Variants in CSRNP1 observed in about 807,000 individuals in gnomAD.
CSRNP1 encodes the protein cysteine/serine-rich nuclear protein 1.
A neutral mutation model predicts 25.0 loss-of-function variants in CSRNP1; 8 were observed. The observed-to-expected ratio is 0.32, with a 90% CI of 0.19 to 0.58. The LOEUF (loss-of-function observed/expected upper bound fraction) is 0.58. Among genes scored for constraint, CSRNP1 ranks in the 20% least tolerant of loss-of-function variants. The probability of loss-of-function intolerance (pLI) is 0.88; values close to 1 mark genes in which losing one functional copy is unlikely to be tolerated. For missense variants in CSRNP1, 691 were observed against 773.1 expected (o/e 0.89, Z 1.26); for synonymous variants, 305 against 303.1 (o/e 1.01, Z -0.06).
In CSRNP1 at chr3:39,144,430, G is replaced by C; in HGVS notation, c.487C>G (p.Gln163Glu). Reference sequence around the variant, plus strand: ...ACAGGTGGCAGCCCTGCCTCTGCCTGGGGTACCCCAGCTGCCGAAAGCTGC... The same window carrying C: ...ACAGGTGGCAGCCCTGCCTCTGCCTCGGGTACCCCAGCTGCCGAAAGCTGC... ...QWKLSAAGVP[Q>E]AEAGLPPVVD... Residue 163 changes from glutamine to glutamate, a missense_variant, in exon 4 of 5, where the codon CAG becomes GAG. Transcript: ENST00000273153. 4.4e-6 allele frequency: 7 copies of C among 1,607,166 alleles called. No homozygotes were observed. Among genetic ancestry groups the C allele is most frequent in the Non-Finnish European group, 6.0e-6 (7 of 1,175,766 alleles).
Position 39,142,993 on chromosome 3 carries a change from GC to G in CSRNP1, c.*61del. 2.0e-6 allele frequency: 3 copies of G among 1,511,800 alleles called. No individual in the cohort carries two copies. The highest frequency in any genetic ancestry group is 2.7e-5 in the South Asian group (2 of 74,606). The allele number at this position is 1,511,800 out of a possible 1,614,324, so 93.6% of individuals were successfully genotyped here. ...GAGACTGTTACGCAGACTCTGGGGA[GC>G]CCCATAATTACAAGAAAGCAGCAAC... On this transcript the variant is annotated 3_prime_UTR_variant, in exon 5 of 5. Transcript: ENST00000273153.
Position 39,143,690 on chromosome 3 carries a change from C to T in CSRNP1, c.1135G>A (p.Gly379Ser). 1.2e-6 allele frequency: 2 copies of T among 1,614,238 alleles called. No homozygotes were observed. The highest frequency in any genetic ancestry group is 1.7e-6 in the Non-Finnish European group (2 of 1,180,036). Residue 379 changes from glycine (G) to serine (S), a missense_variant, in exon 5 of 5, where the codon GGC becomes AGC. Transcript: ENST00000273153. ...TCAACGCCAGGCTGGAAGCCAGGGCCAGGCAGGCCTGGGTGGGTGGGGCAG... is the reference window on the plus strand; with the variant it reads ...TCAACGCCAGGCTGGAAGCCAGGGCTAGGCAGGCCTGGGTGGGTGGGGCAG... ...PDCPTHPGLP[G>S]PGFQPGVDDD...
chr3:39,144,542 A>AC (rs1252764791), intron 3 of CSRNP1, 91 bp from the exon 4 acceptor site: 11 of 1,270,970 alleles, frequency 8.7e-6, no homozygotes, highest in African/African-American at 4.6e-5. Flanking sequence ...CCAAGTGCTT[A>AC]CCCCCCCACT....
rs773078092 is a variant in CSRNP1, at chr3:39,145,087, C to T, written c.375G>A (p.Leu125=). 1 of 1,614,266 alleles carries T rather than the reference C, an allele frequency of 6.2e-7. No homozygotes were observed. The highest frequency in any genetic ancestry group is 1.3e-5 in the African/African-American group (1 of 75,070). ...LRHSACRRFS[L]AEFAQEQARA... is the part of the protein sequence containing the mutation. ...GGGCTTGCTCCTGCGCAAACTCAGCCAAAGAGAAGCGACGGCAAGCACTGT... is the reference window on the plus strand; with the variant it reads ...GGGCTTGCTCCTGCGCAAACTCAGCTAAAGAGAAGCGACGGCAAGCACTGT... The change falls in exon 3 of 5, where the codon TTG becomes TTA. Residue 125 remains leucine, a synonymous_variant. Coordinates refer to ENST00000273153, the MANE Select transcript of CSRNP1 (RefSeq NM_033027.4).
chr3:39,143,259 T>C lies in CSRNP1; in HGVS notation c.1566A>G (p.Ser522=), dbSNP rs566969447. Residue 522 remains serine (S), a synonymous_variant, in exon 5 of 5, where the codon TCA becomes TCG. Coordinates refer to ENST00000273153, the MANE Select transcript of CSRNP1 (RefSeq NM_033027.4). The part of the protein sequence containing the change: ...PDYSLGPHYT[S]QKVSDSLDNI... ...TGTCCAGGCTGTCAGACACCTTCTGTGATGTGTAGTGAGGCCCCAGACTAT... is the reference window on the plus strand; with the variant it reads ...TGTCCAGGCTGTCAGACACCTTCTGCGATGTGTAGTGAGGCCCCAGACTAT... 8 of 1,614,026 alleles carry C rather than the reference T, an allele frequency of 5.0e-6. No individual in the cohort carries two copies. The African/African-American group carries it at 1.1e-4, about 22-fold the overall frequency.
At chr3:39,151,434 C>G (rs1308116219) in intron 1 of CSRNP1, 1 of 153,300 alleles carries the variant, frequency 6.5e-6, no homozygotes, top group African/African-American at 2.4e-5. Context: ...CACCAAGTAA[C>G]CAAAGGCTGT....
chr3:39,144,137 C>G lies in CSRNP1; in HGVS notation c.780G>C (p.Gln260His). 1 of 1,612,012 alleles carries G rather than the reference C, an allele frequency of 6.2e-7. No homozygotes were observed. The highest frequency in any genetic ancestry group is 8.5e-7 in the Non-Finnish European group (1 of 1,178,656). Residue 260 changes from glutamine to histidine, a missense_variant and splice_region_variant, in exon 4 of 5, where the codon CAG becomes CAC. By Grantham distance (24) the Gln-to-His change is conservative. Transcript: ENST00000273153. Reference sequence around the variant, plus strand: ...CCCCATCCCAGTCCAGCCACCACACCTGGCACTTGATGCCTGCCAGGCTGC... The same window carrying G: ...CCCCATCCCAGTCCAGCCACCACACGTGGCACTTGATGCCTGCCAGGCTGC... ...CSCSLAGIKC[Q>H]MDHTAFPCGC...
chr3:39,144,288 A>G lies in CSRNP1; in HGVS notation c.629T>C (p.Leu210Pro). ...CCTTCGCACACCTGAAGCCCTCAGCAGAGCTCGACGTCGCCGGGCTGGGTA... is the reference window on the plus strand; with the variant it reads ...CCTTCGCACACCTGAAGCCCTCAGCGGAGCTCGACGTCGCCGGGCTGGGTA... ...QPYPARRRRALLRASGVRRID... is the reference protein window; with the variant it reads ...QPYPARRRRAPLRASGVRRID... The change falls in exon 4 of 5, where the codon CTG becomes CCG. Residue 210 changes from leucine (L) to proline (P), a missense_variant. Physicochemically the swap from Leu to Pro is moderately conservative, Grantham distance 98. Transcript: ENST00000273153. The G allele has an allele frequency of 1.9e-6, 3 of 1,614,160 alleles. No individual in the cohort carries two copies. Among genetic ancestry groups the G allele is most frequent in the Non-Finnish European group, 2.5e-6 (3 of 1,180,010 alleles).
intron 1 of CSRNP1, among the ~76,000 whole-genome samples, chr3:39,147,223 G>A (rs1575577311): frequency 6.7e-6 from 1 of 150,310 alleles, no homozygotes; most frequent in East Asian, 2.0e-4. Flanking sequence ...GTGTGTGTGT[G>A]TGTGTGTGTG....
intron 2 of CSRNP1, 50 bp downstream of exon 2, chr3:39,146,428 T>C: frequency 6.8e-7 from 1 of 1,478,304 alleles, no homozygotes; most frequent in Non-Finnish European, 9.0e-7. Flanking sequence ...AAATTTCATC[T>C]TTCAGGAAGG....
Position 39,142,804 on chromosome 3 carries a change from G to C in CSRNP1, c.*251C>G, listed in dbSNP as rs1002336754. 2 of 391,296 alleles carry C rather than the reference G, an allele frequency of 5.1e-6. No homozygotes were observed. Among genetic ancestry groups the C allele is most frequent in the Non-Finnish European group, 4.6e-6 (1 of 218,254 alleles). 24.2% of individuals were successfully genotyped at this position (391,296 alleles called of 1,614,324 possible). On this transcript the variant is annotated 3_prime_UTR_variant, in exon 5 of 5. Transcript: ENST00000273153. Reference sequence around the variant, plus strand: ...CTTCCAGGCTCACGTTGTGGAGATAGAAGAGCAAGCTGTGGGTGTGGGGGG... The same window carrying C: ...CTTCCAGGCTCACGTTGTGGAGATACAAGAGCAAGCTGTGGGTGTGGGGGG...
At position 39,143,722 on chromosome 3, in the gene CSRNP1, G is replaced by C. The variant is rs753951293; in HGVS notation, c.1103C>G (p.Ala368Gly). Reference sequence around the variant, plus strand: ...GCCTGGGTGGGTGGGGCAGTCAGGAGCCTCACTAGTGCCCGATGCTGATGA... The same window carrying C: ...GCCTGGGTGGGTGGGGCAGTCAGGACCCTCACTAGTGCCCGATGCTGATGA... ...ASSSASGTSE[A>G]PDCPTHPGLP... The change falls in exon 5 of 5, where the codon GCT becomes GGT. Residue 368 changes from alanine to glycine, a missense_variant. Transcript: ENST00000273153. 3 of 1,613,982 alleles carry C rather than the reference G, an allele frequency of 1.9e-6. No homozygotes were observed. The highest frequency in any genetic ancestry group is 3.3e-5 in the Admixed American group (2 of 59,992).
chr3:39,151,684 G>C (rs558393806), intron 1 of CSRNP1: 1 of 152,348 alleles, frequency 6.6e-6, no homozygotes, highest in East Asian at 1.9e-4. Flanking sequence ...GAACTTCCTG[G>C]GAGAAGGGGA....
chr3:39,147,533 G>GC (rs1457240649), intron 1 of CSRNP1, among the ~76,000 whole-genome samples: 1 of 152,030 alleles, frequency 6.6e-6, no homozygotes, highest in Non-Finnish European at 1.5e-5. Flanking sequence ...CTGCCTCCAG[G>GC]CCTGTGTGAC....
rs1411135199 is a variant in CSRNP1 at position 39,153,484 on chromosome 3, G to C, written c.-87C>G. ...AGGACAACGACGCGACCCGCGTCCC[G>C]GCCGGGGACGCCCCCTGCGCCGCGA... On this transcript the variant is annotated 5_prime_UTR_variant, in exon 1 of 5. Transcript: ENST00000273153. The C allele has an allele frequency of 3.2e-6, 1 of 315,524 alleles. No homozygotes were observed. Among genetic ancestry groups the C allele is most frequent in the Non-Finnish European group, 6.7e-6 (1 of 150,110 alleles). The allele number at this position is 315,524 out of a possible 1,614,324, so 19.5% of individuals were successfully genotyped here.
intron 1 of CSRNP1, among the ~76,000 whole-genome samples, chr3:39,147,064 CACACAT>C (rs763724628): frequency 5.9e-5 from 9 of 152,022 alleles, no homozygotes; most frequent in Non-Finnish European, 7.4e-5. Context: ...CACACACACA[CACACAT>C]GCATCCACAC....
Position 39,142,836 on chromosome 3 carries a change from A to G in CSRNP1, c.*219T>C, listed in dbSNP as rs2039432207. ...AAGCTGTGGGTGTGGGGGGCCGGGCAGCTGAAAGGGGAAGCCCCCTCCCCC... is the reference window on the plus strand; with the variant it reads ...AAGCTGTGGGTGTGGGGGGCCGGGCGGCTGAAAGGGGAAGCCCCCTCCCCC... On this transcript the variant is annotated 3_prime_UTR_variant, in exon 5 of 5. Coordinates refer to ENST00000273153, the MANE Select transcript of CSRNP1 (RefSeq NM_033027.4). 2.2e-5 allele frequency: 10 copies of G among 452,174 alleles called. No individual in the cohort carries two copies. The highest frequency in any genetic ancestry group is 3.1e-5 in the Non-Finnish European group (8 of 259,920). 28.0% of individuals were successfully genotyped at this position (452,174 alleles called of 1,614,324 possible).
In CSRNP1 at chr3:39,143,707, G is replaced by A; in HGVS notation, c.1118C>T (p.Thr373Ile). The change falls in exon 5 of 5, where the codon ACC (threonine) becomes ATC (isoleucine). Residue 373 changes from threonine to isoleucine, a missense_variant. Thr to Ile is a moderately conservative substitution (Grantham distance 89, BLOSUM62 -1). Transcript: ENST00000273153. Reference protein sequence around the residue: ...SGTSEAPDCPTHPGLPGPGFQ... With the variant: ...SGTSEAPDCPIHPGLPGPGFQ... ...GCCAGGGCCAGGCAGGCCTGGGTGG[G>A]TGGGGCAGTCAGGAGCCTCACTAGT... is the stretch of plus-strand genomic sequence containing the variant. 6.2e-7 allele frequency: 1 copy of A among 1,614,244 alleles called. No homozygotes were observed. Among genetic ancestry groups the A allele is most frequent in the Admixed American group, 1.7e-5 (1 of 60,032 alleles).
rs955584577 is a variant in CSRNP1 at position 39,144,875 on chromosome 3, C to G, written c.465+122G>C. ...CCAATCAAGCCAATCACCAGGCCCA[C>G]AGGCCTGTTTCCCCATAACCATAAT... On this transcript the variant is annotated intron_variant, in intron 3 of 4. Transcript: ENST00000273153. 27 of 1,219,038 alleles carry G rather than the reference C, an allele frequency of 2.2e-5. No individual in the cohort carries two copies. In the African/African-American group the frequency reaches 4.0e-4, roughly 18 times the overall value. 75.5% of individuals were successfully genotyped at this position (1,219,038 alleles called of 1,614,324 possible).
Sources: gnomAD v4.1 joint callset for allele counts (sites outside exome capture counted in the v4.1 genomes callset) on GRCh38, gnomAD v4.1.1 for gene constraint, MANE v1.5 for transcripts, NCBI Gene and HGNC (gene_info 2026-07-23, HGNC 2026-07-21) for gene names.